Variants in IGSF21 observed in about 807,000 individuals in gnomAD.
IGSF21 encodes the protein immunoglobulin superfamily member 21.
A neutral mutation model predicts 46.8 loss-of-function variants in IGSF21; 28 were observed. That is an observed-to-expected ratio of 0.60 (90% CI 0.44 to 0.82). IGSF21 has a LOEUF of 0.82. Ranked by LOEUF, IGSF21 falls within the 40% of genes least tolerant of loss-of-function variation. The probability of loss-of-function intolerance (pLI) is 0.00; values close to 1 mark genes in which losing one functional copy is unlikely to be tolerated. For missense variants in IGSF21, 624 were observed against 665.5 expected (o/e 0.94, Z 0.69); for synonymous variants, 284 against 273.6 (o/e 1.04, Z -0.38).
intron 2 of IGSF21, among the ~76,000 whole-genome samples, chr1:18,241,875 T>A (rs184909505): frequency 2.0e-5 from 3 of 152,300 alleles, no homozygotes; most frequent in Admixed American, 2.0e-4. Context: ...AAGTCTTGCA[T>A]ATGGTAAGGC....
intron 1 of IGSF21, among the ~76,000 whole-genome samples, chr1:18,220,589 G>C (rs1284657851): frequency 1.3e-5 from 2 of 152,138 alleles, no homozygotes. Context: ...TTCATGGCCT[G>C]TGTTGAGGTG....
chr1:18,147,895 G>A (rs1037264058), intron 1 of IGSF21, among the ~76,000 whole-genome samples: 11 of 152,028 alleles, frequency 7.2e-5, no homozygotes, highest in South Asian at 4.1e-4. Flanking sequence ...TAATTGAATC[G>A]TGGGGGTGGG....
intron 3 of IGSF21, among the ~76,000 whole-genome samples, chr1:18,309,019 A>G (rs1432729488): frequency 6.6e-6 from 1 of 151,920 alleles, no homozygotes. Context: ...CAAGGAGGGG[A>G]TGCAGCTCTG....
chr1:18,107,809 A>T lies in IGSF21; in HGVS notation c.-320A>T, dbSNP rs2086104714. The T allele has an allele frequency of 6.5e-6, 1 of 154,040 alleles. No individual in the cohort carries two copies. The highest frequency in any genetic ancestry group is 2.1e-4 in the South Asian group (1 of 4,854). The allele number at this position is 154,040 out of a possible 1,614,324, so 9.5% of individuals were successfully genotyped here. A position where few individuals can be genotyped will look rare whatever the true frequency, so the allele number is the denominator to read the frequency against. On this transcript the variant is annotated 5_prime_UTR_variant, in exon 1 of 10. Coordinates refer to ENST00000251296, the MANE Select transcript of IGSF21 (RefSeq NM_032880.5). Reference sequence around the variant, plus strand: ...GAGGCAGAGAGCGCGATTCGGCTCCAAACTCCGGCGCTGCAGCCGATCGGA... The same window carrying T: ...GAGGCAGAGAGCGCGATTCGGCTCCTAACTCCGGCGCTGCAGCCGATCGGA...
At chr1:18,247,935 G>A (rs907578602) in intron 2 of IGSF21, among the ~76,000 whole-genome samples, 8 of 152,148 alleles carry the variant, frequency 5.3e-5, no homozygotes, top group African/African-American at 1.9e-4. Flanking sequence ...TCTTTAAAAT[G>A]TTAGTTCCTC....
At chr1:18,377,535 CCTGACACCTCAGGCAGGT>C (rs946056564) in intron 9 of IGSF21, 104 bp downstream of exon 9, 15 of 911,438 alleles carry the variant, frequency 1.6e-5, no homozygotes, top group Non-Finnish European at 2.6e-5. Flanking sequence ...CTTGCCACTC[CCTGACACCTCAGGCAGGT>C]CATTGCCCTC....
intron 2 of IGSF21, among the ~76,000 whole-genome samples, chr1:18,271,346 T>C (rs12402001): frequency 0.22 from 32,744 of 152,136 alleles, 3,709 homozygotes; most frequent in African/African-American, 0.27. Flanking sequence ...CAGCTCATTT[T>C]GACTTGCCCA....
intron 2 of IGSF21, among the ~76,000 whole-genome samples, chr1:18,288,916 C>A (rs990205403): frequency 3.9e-5 from 6 of 152,210 alleles, no homozygotes; most frequent in African/African-American, 1.4e-4. Context: ...GACACAGCCC[C>A]AGAGAAACAG....
chr1:18,152,954 T>C (rs1432067270), intron 1 of IGSF21, among the ~76,000 whole-genome samples: 2 of 152,150 alleles, frequency 1.3e-5, no homozygotes, highest in African/African-American at 4.8e-5. Flanking sequence ...ATAGAAGAGA[T>C]AATGCAGTTA....
At chr1:18,245,195 A>G (rs1373694760) in intron 2 of IGSF21, among the ~76,000 whole-genome samples, 1 of 152,172 alleles carries the variant, frequency 6.6e-6, no homozygotes, top group African/African-American at 2.4e-5. Context: ...TCTGATAAAT[A>G]TTCTTTTTTG....
intron 1 of IGSF21, among the ~76,000 whole-genome samples, chr1:18,139,711 T>A (rs1045870382): frequency 1.3e-5 from 2 of 152,100 alleles, no homozygotes; most frequent in African/African-American, 4.8e-5. Flanking sequence ...TCCTCATCTG[T>A]GAGATGGGGT....
chr1:18,274,283 A>C (rs2085079401), intron 2 of IGSF21, among the ~76,000 whole-genome samples: 1 of 152,200 alleles, frequency 6.6e-6, no homozygotes, highest in African/African-American at 2.4e-5. Flanking sequence ...CCTTATCACA[A>C]AGCTAGCCTC....
chr1:18,115,798 T>G, intron 1 of IGSF21: 1 of 139,284 alleles, frequency 7.2e-6, no homozygotes, highest in Non-Finnish European at 1.5e-5. Flanking sequence ...AGGAAAAAGG[T>G]TGAGAAGGGA....
At chr1:18,351,556 G>C (rs749118994) in intron 4 of IGSF21, among the ~76,000 whole-genome samples, 4 of 152,182 alleles carry the variant, frequency 2.6e-5, no homozygotes, top group Admixed American at 1.3e-4. Flanking sequence ...ACTGCTCTCT[G>C]GGGGGAGGAC....
intron 2 of IGSF21, among the ~76,000 whole-genome samples, chr1:18,229,966 T>C (rs2084606659): frequency 1.3e-5 from 2 of 152,258 alleles, no homozygotes; most frequent in Non-Finnish European, 1.5e-5. Context: ...GAACAGTTAA[T>C]GGAGCGAAAT....
At chr1:18,137,173 C>A (rs2086374469) in intron 1 of IGSF21, among the ~76,000 whole-genome samples, 1 of 152,042 alleles carries the variant, frequency 6.6e-6, no homozygotes, top group South Asian at 2.1e-4. Context: ...CATTGCATGG[C>A]CAGAGCAGGA....
chr1:18,171,422 A>G (rs1301678719), intron 1 of IGSF21, among the ~76,000 whole-genome samples: 1 of 152,150 alleles, frequency 6.6e-6, no homozygotes, highest in Non-Finnish European at 1.5e-5. Flanking sequence ...CTGAAGGTCC[A>G]CGATTCCTGG....
At chr1:18,293,451 G>A (rs1032292890) in intron 3 of IGSF21, among the ~76,000 whole-genome samples, 4 of 152,110 alleles carry the variant, frequency 2.6e-5, no homozygotes, top group African/African-American at 9.7e-5. Flanking sequence ...CTGGGTCCTC[G>A]TCCTCTCTGG....
At chr1:18,111,699 C>T (rs2086146428) in intron 1 of IGSF21, 1 of 152,238 alleles carries the variant, frequency 6.6e-6, no homozygotes, top group Admixed American at 6.5e-5. Flanking sequence ...TGCTGCTTCG[C>T]AGTCCTCATT....
Sources: allele counts gnomAD v4.1 joint callset (sites outside exome capture counted in the v4.1 genomes callset), GRCh38; gene constraint gnomAD v4.1.1; transcripts MANE v1.5; gene names NCBI Gene and HGNC (gene_info 2026-07-23, HGNC 2026-07-21).